The following NMRK1 variants were observed in gnomAD, a reference collection of about 807,000 sequenced individuals.
NMRK1 encodes NRK 1.
Under a neutral mutation model 29.9 loss-of-function variants are expected in NMRK1, and 28 were observed. The ratio of observed to expected loss-of-function variants is 0.94; its 90% CI spans 0.69 to 1.28. The LOEUF (loss-of-function observed/expected upper bound fraction) is 1.28, where lower values mean the gene tolerates loss of function less well. NMRK1 is among the 50% of genes most tolerant of loss of function. The pLI is 0.00. For synonymous variants in NMRK1, 58 were observed against 73.0 expected, an observed-to-expected ratio of 0.79 and a Z score of 1.05; for missense variants, 218 against 233.1, an observed-to-expected ratio of 0.94 and a Z score of 0.42.
chr9:75,087,180 C>A (rs1434527849), intron 1 of NMRK1, among the ~76,000 whole-genome samples: 2 of 152,154 alleles, frequency 1.3e-5, no homozygotes, highest in East Asian at 3.9e-4. Context: ...GCTGGGATTA[C>A]AGACGTGAAG....
intron 7 of NMRK1, 36 bp from the exon 8 acceptor site, chr9:75,066,876 C>T: frequency 8.5e-7 from 1 of 1,170,490 alleles, no homozygotes; most frequent in Middle Eastern, 2.0e-4. Context: ...CAAATGCTAA[C>T]AGGCTTATTA....
At chr9:75,081,781 A>G (rs1270853497) in intron 2 of NMRK1, among the ~76,000 whole-genome samples, 1 of 152,180 alleles carries the variant, frequency 6.6e-6, no homozygotes, top group Non-Finnish European at 1.5e-5. Context: ...GTGTATGTGG[A>G]CCAGGCTTAT....
At chr9:75,072,378 G>A (rs906376201) in intron 4 of NMRK1, among the ~76,000 whole-genome samples, 2 of 152,178 alleles carry the variant, frequency 1.3e-5, no homozygotes, top group Admixed American at 1.3e-4. Context: ...ATCTTGGCTG[G>A]AACCAGCAGT....
rs374817354 is a variant in NMRK1, at chr9:75,073,597, G to T, written c.170-3555C>A. Among the ~76,000 whole-genome samples, 457 of 152,148 alleles carry T rather than the reference G, an allele frequency of 3.0e-3. 1 individual carries two copies. Among genetic ancestry groups the T allele is most frequent in the African/African-American group, 0.011 (448 of 41,510 alleles). On this transcript the variant is annotated intron_variant, in intron 4 of 8. Coordinates refer to ENST00000361092, the MANE Select transcript of NMRK1 (RefSeq NM_017881.3). ...CTACTTTAAAAAAAAAAATTAGTCA[G>T]GCGTGGTGGTGTGTGGCTGTAGTCC...
intron 3 of NMRK1, 122 bp downstream of exon 3, chr9:75,077,368 C>T: frequency 1.1e-6 from 1 of 879,106 alleles, no homozygotes; most frequent in Non-Finnish European, 1.8e-6. Flanking sequence ...CACCATTGCA[C>T]TGAGCCTAAT....
At chr9:75,066,247 C>A (rs769877836) in intron 8 of NMRK1, 1 of 518,516 alleles carries the variant, frequency 1.9e-6, no homozygotes, top group African/African-American at 1.9e-5. Flanking sequence ...CTGCTGTAGC[C>A]ATATTTAGGC....
chr9:75,078,538 G>C (rs1824140701), intron 2 of NMRK1: 3 of 1,284,442 alleles, frequency 2.3e-6, no homozygotes, highest in African/African-American at 1.5e-5. Context: ...GGCACTTCTC[G>C]ATTCAGTCAT....
chr9:75,063,014 G>A (rs778662056), intron 8 of NMRK1, among the ~76,000 whole-genome samples: 3 of 152,008 alleles, frequency 2.0e-5, no homozygotes, highest in Non-Finnish European at 4.4e-5. Flanking sequence ...CTGGGCGACA[G>A]AACAACTCCA....
chr9:75,068,125 C>T (rs1823472866), intron 7 of NMRK1, among the ~76,000 whole-genome samples: 2 of 152,168 alleles, frequency 1.3e-5, no homozygotes, highest in Admixed American at 1.3e-4. Context: ...GTTGCTGAGG[C>T]ATCTGTCATC....
intron 2 of NMRK1, among the ~76,000 whole-genome samples, chr9:75,077,843 A>G (rs1164734963): frequency 6.6e-6 from 1 of 152,030 alleles, no homozygotes; most frequent in Admixed American, 6.6e-5. Flanking sequence ...GCCATGTTAG[A>G]CAGGCTGGTC....
intron 1 of NMRK1, among the ~76,000 whole-genome samples, chr9:75,084,755 A>G (rs1211099604): frequency 6.6e-6 from 1 of 152,174 alleles, no homozygotes; most frequent in Non-Finnish European, 1.5e-5. Flanking sequence ...GAGCCGCTGC[A>G]CTCCAGCCTG....
rs149806718 is a variant in NMRK1, at chr9:75,061,160, C to T, written c.*388G>A. The T allele has an allele frequency of 5.5e-4, 110 of 199,710 alleles. No homozygotes were observed. Among genetic ancestry groups the T allele is most frequent in the Non-Finnish European group, 7.4e-4 (72 of 97,370 alleles). The allele number at this position is 199,710 out of a possible 1,614,324, so 12.4% of individuals were successfully genotyped here. On this transcript the variant is annotated 3_prime_UTR_variant, in exon 9 of 9. Coordinates refer to ENST00000361092, the MANE Select transcript of NMRK1 (RefSeq NM_017881.3). Reference sequence around the variant, plus strand: ...TATCACACACACACATACACACCTACACACAAATACATAAACATACACAAT... The same window carrying T: ...TATCACACACACACATACACACCTATACACAAATACATAAACATACACAAT...
intron 7 of NMRK1, among the ~76,000 whole-genome samples, chr9:75,068,705 T>C (rs1029237466): frequency 2.6e-5 from 4 of 152,156 alleles, no homozygotes; most frequent in Non-Finnish European, 5.9e-5. Context: ...GTTTCCATGA[T>C]AGAATGTTAC....
intron 6 of NMRK1, 138 bp downstream of exon 6, chr9:75,069,604 C>A: frequency 1.4e-6 from 1 of 693,144 alleles, no homozygotes. Context: ...AAGAGTTTTG[C>A]TCCTTTTGTA....
chr9:75,067,923 C>T (rs1288829756), intron 7 of NMRK1, among the ~76,000 whole-genome samples: 1 of 152,168 alleles, frequency 6.6e-6, no homozygotes, highest in Non-Finnish European at 1.5e-5. Context: ...ATCCAACAGC[C>T]TTCTGCCATC....
intron 5 of NMRK1, 29 bp downstream of exon 5, chr9:75,069,866 A>G (rs1374519264): frequency 5.6e-6 from 9 of 1,611,914 alleles, no homozygotes; most frequent in Admixed American, 1.7e-5. Context: ...CCATTCACTC[A>G]GAGACAATAT....
At chr9:75,075,047 T>G (rs1823911335) in intron 4 of NMRK1, among the ~76,000 whole-genome samples, 1 of 152,204 alleles carries the variant, frequency 6.6e-6, no homozygotes, top group Non-Finnish European at 1.5e-5. Context: ...TATCACTGGC[T>G]AATTATCATT....
At position 75,078,258 on chromosome 9, in the gene NMRK1, G is replaced by T. The variant is rs1304548938; in HGVS notation, c.30-678C>A. ...GTGCAAGTGTATAAAACTGCATATG[G>T]TCACTGTGATTTTGCCTCAAGGCAC... is the stretch of plus-strand genomic sequence containing the variant. On this transcript the variant is annotated intron_variant, in intron 2 of 8. Transcript: ENST00000361092. The T allele has an allele frequency of 2.6e-6, 4 of 1,545,506 alleles. No individual in the cohort carries two copies. The African/African-American group carries it at 5.5e-5, about 21-fold the overall frequency.
chr9:75,085,753 T>A (rs970418150), intron 1 of NMRK1, among the ~76,000 whole-genome samples: 2 of 134,706 alleles, frequency 1.5e-5, no homozygotes, highest in African/African-American at 6.3e-5. Flanking sequence ...TTTTTTTTTT[T>A]AACCAAAACA....
Sources: gnomAD v4.1 joint callset for allele counts (sites outside exome capture counted in the v4.1 genomes callset) on GRCh38, gnomAD v4.1.1 for gene constraint, MANE v1.5 for transcripts, NCBI Gene and HGNC (gene_info 2026-07-23, HGNC 2026-07-21) for gene names.